PCDH9: variants seen among roughly 807,000 people sequenced by gnomAD.
PCDH9 encodes protocadherin-9.
In PCDH9, 24 loss-of-function variants were observed where a neutral mutation model predicts 70.6. The observed-to-expected ratio is 0.34, with a 90% CI of 0.25 to 0.48. PCDH9 has a LOEUF of 0.48. Among genes scored for constraint, PCDH9 ranks in the 20% least tolerant of loss-of-function variants. PCDH9 has a pLI of 0.99. For missense variants in PCDH9, 1,281 were observed against 1,503.6 expected, an observed-to-expected ratio of 0.85 and a Z score of 2.45; for synonymous variants, 562 against 558.5, an observed-to-expected ratio of 1.01 and a Z score of -0.09.
chr13:66,408,260 T>G (rs907213795), intron 4 of PCDH9, among the ~76,000 whole-genome samples: 5 of 151,876 alleles, frequency 3.3e-5, no homozygotes, highest in East Asian at 1.9e-4. Context: ...GGGTTTCACC[T>G]TGTTAGCCAG....
intron 4 of PCDH9, among the ~76,000 whole-genome samples, chr13:66,398,450 A>C (rs1163732018): frequency 6.6e-6 from 1 of 152,078 alleles, no homozygotes; most frequent in Non-Finnish European, 1.5e-5. Flanking sequence ...TTAATTGAGG[A>C]CTTGATTTGT....
At chr13:67,200,981 T>C (rs569297736) in intron 2 of PCDH9, 1 of 152,208 alleles carries the variant, frequency 6.6e-6, no homozygotes, top group Non-Finnish European at 1.5e-5. Context: ...CAAAAAGTTT[T>C]CACGAACAAA....
chr13:66,481,143 G>C (rs143111687), intron 4 of PCDH9, among the ~76,000 whole-genome samples: 19 of 151,898 alleles, frequency 1.3e-4, no homozygotes, highest in African/African-American at 4.4e-4. Context: ...ATTACATACC[G>C]GGGCCTGTCA....
chr13:66,455,966 TA>T (rs1362496810), intron 4 of PCDH9, among the ~76,000 whole-genome samples: 3 of 152,140 alleles, frequency 2.0e-5, no homozygotes, highest in Non-Finnish European at 4.4e-5. Context: ...GCTATGAAAT[TA>T]TATAAACGAT....
intron 2 of PCDH9, among the ~76,000 whole-genome samples, chr13:66,917,791 G>T (rs1250062361): frequency 6.6e-6 from 1 of 151,314 alleles, no homozygotes. Flanking sequence ...AAGGTGTCAT[G>T]TTTTCATTTT....
intron 3 of PCDH9, among the ~76,000 whole-genome samples, chr13:66,863,293 T>C (rs2081514566): frequency 6.6e-6 from 1 of 152,202 alleles, no homozygotes. Context: ...TAATAGTAAC[T>C]ACCTCAGAAT....
At chr13:66,626,072 T>C (rs575369785) in intron 4 of PCDH9, among the ~76,000 whole-genome samples, 1 of 152,280 alleles carries the variant, frequency 6.6e-6, no homozygotes, top group South Asian at 2.1e-4. Context: ...GATTTTTTTT[T>C]CTTGTTGCTG....
chr13:66,932,611 A>G (rs75339430), intron 2 of PCDH9, among the ~76,000 whole-genome samples: 116 of 146,666 alleles, frequency 7.9e-4, no homozygotes, highest in South Asian at 2.4e-3. Context: ...AGTTTGGGGG[A>G]AAAAAAAACT....
At chr13:66,609,094 T>C (rs1021078533) in intron 4 of PCDH9, among the ~76,000 whole-genome samples, 2 of 152,154 alleles carry the variant, frequency 1.3e-5, no homozygotes, top group African/African-American at 4.8e-5. Context: ...TGTAATGCTA[T>C]ACATGGAGAA....
intron 2 of PCDH9, among the ~76,000 whole-genome samples, chr13:67,118,229 G>A (rs2086814585): frequency 6.6e-6 from 1 of 152,156 alleles, no homozygotes; most frequent in African/African-American, 2.4e-5. Context: ...ACCTTCATTA[G>A]AGTAAATGTC....
intron 3 of PCDH9, among the ~76,000 whole-genome samples, chr13:66,780,218 A>T (rs2079976122): frequency 6.6e-6 from 1 of 152,126 alleles, no homozygotes; most frequent in Non-Finnish European, 1.5e-5. Flanking sequence ...GTATACCTTA[A>T]CTGTAGACAA....
intron 4 of PCDH9, among the ~76,000 whole-genome samples, chr13:66,395,599 A>AAAATAAATAAAT (rs71205585): frequency 5.8e-4 from 88 of 150,914 alleles, no homozygotes; most frequent in African/African-American, 2.0e-3. Flanking sequence ...ACTCTGTCTC[A>AAAATAAATAAAT]AAATAAATAA....
intron 3 of PCDH9, among the ~76,000 whole-genome samples, chr13:66,751,067 T>G (rs117103187): frequency 0.011 from 1,750 of 152,276 alleles, 21 homozygotes; most frequent in Middle Eastern, 0.027. Flanking sequence ...TGCTTTTACT[T>G]AATCTCTTTA....
intron 2 of PCDH9, among the ~76,000 whole-genome samples, chr13:67,032,535 A>G (rs918270716): frequency 1.3e-5 from 2 of 152,126 alleles, no homozygotes; most frequent in African/African-American, 4.8e-5. Flanking sequence ...AATTGTTTGC[A>G]TTTATGTAAA....
intron 2 of PCDH9, among the ~76,000 whole-genome samples, chr13:66,950,343 T>C (rs2083159344): frequency 6.6e-6 from 1 of 152,136 alleles, no homozygotes; most frequent in Non-Finnish European, 1.5e-5. Context: ...GTGAAGCTTA[T>C]TCAATCTTCA....
chr13:66,702,336 T>C (rs2078657669), intron 3 of PCDH9, among the ~76,000 whole-genome samples: 1 of 151,848 alleles, frequency 6.6e-6, no homozygotes, highest in Non-Finnish European at 1.5e-5. Flanking sequence ...TTTTAGAAAA[T>C]AGATCTATGT....
intron 2 of PCDH9, among the ~76,000 whole-genome samples, chr13:67,180,885 T>C (rs970215491): frequency 2.6e-5 from 4 of 152,184 alleles, no homozygotes; most frequent in Non-Finnish European, 5.9e-5. Flanking sequence ...TGTTCAGGGA[T>C]AGCAATCCAA....
chr13:66,804,689 T>TA (rs1209822764), intron 3 of PCDH9, among the ~76,000 whole-genome samples: 1 of 152,186 alleles, frequency 6.6e-6, no homozygotes, highest in Admixed American at 6.5e-5. Flanking sequence ...CTCTTATACT[T>TA]TTCCTATATA....
Position 66,774,663 on chromosome 13 carries a change from C to T in PCDH9, c.3138+128841G>A, listed in dbSNP as rs946520591. Among the ~76,000 whole-genome samples, 11 of 152,206 alleles carry T rather than the reference C, an allele frequency of 7.2e-5. No individual in the cohort carries two copies. In the East Asian group the frequency reaches 2.1e-3, roughly 29 times the overall value. ...TGTTTAGCCCTAGAGTTTTCATATCCATCCCTCAAGGTGATTTACAATACC... is the reference window on the plus strand; with the variant it reads ...TGTTTAGCCCTAGAGTTTTCATATCTATCCCTCAAGGTGATTTACAATACC... On this transcript the variant is annotated intron_variant, in intron 3 of 4. Coordinates refer to ENST00000377865, the MANE Select transcript of PCDH9 (RefSeq NM_203487.3).
Sources: gnomAD v4.1 joint callset for allele counts (sites outside exome capture counted in the v4.1 genomes callset) on GRCh38, gnomAD v4.1.1 for gene constraint, MANE v1.5 for transcripts, NCBI Gene and HGNC (gene_info 2026-07-23, HGNC 2026-07-21) for gene names.